The following IVL variants were observed in gnomAD, a reference collection of about 807,000 sequenced individuals.
The protein encoded by IVL is involucrin.
For missense variants in IVL, 722 were observed against 624.9 expected (o/e 1.16, Z -1.66); for synonymous variants, 257 against 271.0 (o/e 0.95, Z 0.51).
At position 152,910,734 on chromosome 1, in the gene IVL, C is replaced by T; in HGVS notation, c.937C>T (p.Leu313=). 6.4e-7 allele frequency: 1 copy of T among 1,550,618 alleles called. No homozygotes were observed. Among genetic ancestry groups the T allele is most frequent in the Non-Finnish European group, 8.7e-7 (1 of 1,146,670 alleles). The change falls in exon 2 of 2, where the codon CTG becomes TTG. Residue 313 remains leucine, a synonymous_variant. Transcript: ENST00000368764. ...GCTCCCAGAGCAGCAGATGGGGCAG[C>T]TGAAGCACCTGGAGCAGCAGGAGGG... is the stretch of plus-strand genomic sequence containing the variant. ...PELPEQQMGQ[L]KHLEQQEGQP... is the part of the protein sequence containing the mutation.
chr1:152,910,668 G>A lies in IVL; in HGVS notation c.871G>A (p.Gly291Arg), dbSNP rs1410895544. 6 of 1,549,114 alleles carry A rather than the reference G, an allele frequency of 3.9e-6. No individual in the cohort carries two copies. The African/African-American group carries it at 5.5e-5, about 14-fold the overall frequency. Reference protein sequence around the residue: ...GQLKYLEQQEGQLKHLDQQEK... With the variant: ...GQLKYLEQQERQLKHLDQQEK... ...GCTGAAGTACCTGGAACAGCAGGAG[G>A]GGCAGCTGAAGCACCTGGATCAGCA... The change falls in exon 2 of 2, where the codon GGG (glycine) becomes AGG (arginine). Residue 291 changes from glycine (G) to arginine (R), a missense_variant. Coordinates refer to ENST00000368764, the MANE Select transcript of IVL (RefSeq NM_005547.4).
At position 152,910,274 on chromosome 1, in the gene IVL, G is replaced by T. The variant is rs764131852; in HGVS notation, c.477G>T (p.Gln159His). Residue 159 changes from glutamine to histidine, a missense_variant, in exon 2 of 2, where the codon CAG (glutamine) becomes CAT (histidine). By Grantham distance (24) the Gln-to-His change is conservative. Transcript: ENST00000368764. ...KEQLLELPEQ[Q>H]EGHLKHLEQQ... Reference sequence around the variant, plus strand: ...AACTGTTGGAGCTCCCAGAGCAGCAGGAGGGGCACCTGAAGCACCTAGAGC... The same window carrying T: ...AACTGTTGGAGCTCCCAGAGCAGCATGAGGGGCACCTGAAGCACCTAGAGC... 6.2e-7 allele frequency: 1 copy of T among 1,613,450 alleles called. No individual in the cohort carries two copies. Among genetic ancestry groups the T allele is most frequent in the Non-Finnish European group, 8.5e-7 (1 of 1,179,714 alleles).
In IVL at chr1:152,910,688, T is replaced by G. The variant is rs866465775; in HGVS notation, c.891T>G (p.Asp297Glu). 1.2e-3 allele frequency: 1,594 copies of G among 1,313,554 alleles called. No individual in the cohort carries two copies. The African/African-American group carries it at 0.012, about 10-fold the overall frequency. The allele number at this position is 1,313,554 out of a possible 1,614,324, so 81.4% of individuals were successfully genotyped here. A position where few individuals can be genotyped will look rare whatever the true frequency, so the allele number is the denominator to read the frequency against. ...AGGAGGGGCAGCTGAAGCACCTGGA[T>G]CAGCAGGAGAAGCAGCCAGAGCTCC... ...EQQEGQLKHL[D>E]QQEKQPELPE... Residue 297 changes from aspartate (D) to glutamate (E), a missense_variant, in exon 2 of 2, where the codon GAT becomes GAG. By Grantham distance (45) the Asp-to-Glu change is conservative (BLOSUM62 2). Coordinates refer to ENST00000368764, the MANE Select transcript of IVL (RefSeq NM_005547.4).
Position 152,910,223 on chromosome 1 carries a change from T to A in IVL, c.426T>A (p.Asp142Glu), listed in dbSNP as rs866082126. The A allele has an allele frequency of 6.2e-7, 1 of 1,613,978 alleles. No homozygotes were observed. Among genetic ancestry groups the A allele is most frequent in the Middle Eastern group, 1.7e-4 (1 of 6,060 alleles). ...QQLDQELVKR[D>E]EQLGMKKEQL... ...TGGATCAAGAGCTAGTCAAGAGAGATGAGCAACTGGGAATGAAGAAAGAGC... is the reference window on the plus strand; with the variant it reads ...TGGATCAAGAGCTAGTCAAGAGAGAAGAGCAACTGGGAATGAAGAAAGAGC... Residue 142 changes from aspartate (D) to glutamate (E), a missense_variant, in exon 2 of 2, where the codon GAT (aspartate) becomes GAA (glutamate). By Grantham distance (45) the Asp-to-Glu change is conservative. Coordinates refer to ENST00000368764, the MANE Select transcript of IVL (RefSeq NM_005547.4).
At position 152,911,561 on chromosome 1, in the gene IVL, C is replaced by A; in HGVS notation, c.*6C>A. 3.1e-6 allele frequency: 5 copies of A among 1,603,500 alleles called. No individual in the cohort carries two copies. Among genetic ancestry groups the A allele is most frequent in the Non-Finnish European group, 4.3e-6 (5 of 1,174,956 alleles). On this transcript the variant is annotated 3_prime_UTR_variant, in exon 2 of 2. Coordinates refer to ENST00000368764, the MANE Select transcript of IVL (RefSeq NM_005547.4). ...GGCCACCCAAACATAAATAACCACC[C>A]GCAGTGTCCAGAGGCCCTCAGATCG...
Position 152,911,503 on chromosome 1 carries a change from T to C in IVL, c.1706T>C (p.Val569Ala), listed in dbSNP as rs1326595669. 1.9e-6 allele frequency: 3 copies of C among 1,613,818 alleles called. No individual in the cohort carries two copies. Among genetic ancestry groups the C allele is most frequent in the African/African-American group, 2.7e-5 (2 of 74,912 alleles). Reference protein sequence around the residue: ...LPTKGEVLLPVEHQQQKQEVQ... With the variant: ...LPTKGEVLLPAEHQQQKQEVQ... ...ACAAAGGGAGAAGTATTGCTTCCTGTAGAGCACCAGCAGCAGAAGCAGGAG... is the reference window on the plus strand; with the variant it reads ...ACAAAGGGAGAAGTATTGCTTCCTGCAGAGCACCAGCAGCAGAAGCAGGAG... Residue 569 changes from valine (V) to alanine (A), a missense_variant, in exon 2 of 2, where the codon GTA becomes GCA. Physicochemically the swap from Val to Ala is moderately conservative, Grantham distance 64. Coordinates refer to ENST00000368764, the MANE Select transcript of IVL (RefSeq NM_005547.4).
rs1649952869 is a variant in IVL, at chr1:152,910,792, A to G, written c.995A>G (p.Gln332Arg). 6.4e-7 allele frequency: 1 copy of G among 1,550,524 alleles called. No individual in the cohort carries two copies. The highest frequency in any genetic ancestry group is 1.4e-5 in the African/African-American group (1 of 72,730). ...QPKHLEQQEG[Q>R]LEQLEEQEGQ... ...AAGCATCTGGAGCAGCAGGAGGGGC[A>G]ACTGGAGCAGCTGGAGGAGCAGGAG... Residue 332 changes from glutamine to arginine, a missense_variant, in exon 2 of 2, where the codon CAA becomes CGA. Transcript: ENST00000368764.
rs759113007 is a variant in IVL, at chr1:152,910,323, C to G, written c.526C>G (p.Pro176Ala). ...GCAGCAGGAGGGACAGCTGAAGCAC[C>G]CGGAGCAGCAGGAGGGGCAGCTGGA... ...LEQQEGQLKHPEQQEGQLELP... is the reference protein window; with the variant it reads ...LEQQEGQLKHAEQQEGQLELP... The change falls in exon 2 of 2, where the codon CCG (proline) becomes GCG (alanine). Residue 176 changes from proline to alanine, a missense_variant. By Grantham distance (27) the Pro-to-Ala change is conservative (BLOSUM62 -1). Coordinates refer to ENST00000368764, the MANE Select transcript of IVL (RefSeq NM_005547.4). The G allele has an allele frequency of 1.2e-5, 19 of 1,581,402 alleles. 2 individuals carry two copies. The South Asian group carries it at 1.9e-4, about 16-fold the overall frequency.
rs41272534 is a variant in IVL at position 152,911,750 on chromosome 1, A to G, written c.*195A>G. On this transcript the variant is annotated 3_prime_UTR_variant, in exon 2 of 2. Coordinates refer to ENST00000368764, the MANE Select transcript of IVL (RefSeq NM_005547.4). ...TCCAGTGCCAACCCCAATGACCCCA[A>G]TCCCAACCTCAGGTGAGCAGAGCCT... 8,875 of 604,768 alleles carry G rather than the reference A, an allele frequency of 0.015. 102 individuals are homozygous for G. Among genetic ancestry groups the G allele is most frequent in the Middle Eastern group, 0.028 (62 of 2,226 alleles). The allele number at this position is 604,768 out of a possible 1,614,324, so 37.5% of individuals were successfully genotyped here. A position where few individuals can be genotyped will look rare whatever the true frequency, so the allele number is the denominator to read the frequency against.
chr1:152,909,862 C>T lies in IVL; in HGVS notation c.65C>T (p.Thr22Ile), dbSNP rs766749517. The change falls in exon 2 of 2, where the codon ACT becomes ATT. Residue 22 changes from threonine (T) to isoleucine (I), a missense_variant. By Grantham distance (89) the Thr-to-Ile change is moderately conservative. Transcript: ENST00000368764. ...GCCCTCAGTCAGGAGCTCCTCAAGA[C>T]TGTTCCTCCTCCAGTCAATACCCAT... ...SPALSQELLK[T>I]VPPPVNTHQE... The T allele has an allele frequency of 6.2e-7, 1 of 1,614,210 alleles. No homozygotes were observed. Among genetic ancestry groups the T allele is most frequent in the Admixed American group, 1.7e-5 (1 of 60,030 alleles).
Position 152,911,680 on chromosome 1 carries a change from A to G in IVL, c.*125A>G, listed in dbSNP as rs1340938521. Reference sequence around the variant, plus strand: ...TGTGAACTTGACTCTGTCCCTCTACATGTCTCTTTAATGGGGTGAGGGTGG... The same window carrying G: ...TGTGAACTTGACTCTGTCCCTCTACGTGTCTCTTTAATGGGGTGAGGGTGG... On this transcript the variant is annotated 3_prime_UTR_variant, in exon 2 of 2. Transcript: ENST00000368764. 4 of 927,430 alleles carry G rather than the reference A, an allele frequency of 4.3e-6. No individual in the cohort carries two copies. Among genetic ancestry groups the G allele is most frequent in the South Asian group, 3.3e-5 (2 of 60,492 alleles). 57.5% of individuals were successfully genotyped at this position (927,430 alleles called of 1,614,324 possible). A position where few individuals can be genotyped will look rare whatever the true frequency, so the allele number is the denominator to read the frequency against.
chr1:152,910,332 C>G lies in IVL; in HGVS notation c.535C>G (p.Gln179Glu), dbSNP rs7520592. Reference protein sequence around the residue: ...QEGQLKHPEQQEGQLELPEQQ... With the variant: ...QEGQLKHPEQEEGQLELPEQQ... ...GGGACAGCTGAAGCACCCGGAGCAGCAGGAGGGGCAGCTGGAGCTCCCAGA... is the reference window on the plus strand; with the variant it reads ...GGGACAGCTGAAGCACCCGGAGCAGGAGGAGGGGCAGCTGGAGCTCCCAGA... The change falls in exon 2 of 2, where the codon CAG becomes GAG. Residue 179 changes from glutamine (Q) to glutamate (E), a missense_variant. Gln to Glu is a conservative substitution (Grantham distance 29). Coordinates refer to ENST00000368764, the MANE Select transcript of IVL (RefSeq NM_005547.4). 3,952 of 1,565,782 alleles carry G rather than the reference C, an allele frequency of 2.5e-3. 89 individuals are homozygous for G. The African/African-American group carries it at 0.052, about 21-fold the overall frequency.
Position 152,911,489 on chromosome 1 carries a change from A to C in IVL, c.1692A>C (p.Glu564Asp). 2 of 1,614,140 alleles carry C rather than the reference A, an allele frequency of 1.2e-6. No individual in the cohort carries two copies. The highest frequency in any genetic ancestry group is 1.7e-6 in the Non-Finnish European group (2 of 1,179,992). Reference sequence around the variant, plus strand: ...AACCAGCCCTGCCCACAAAGGGAGAAGTATTGCTTCCTGTAGAGCACCAGC... The same window carrying C: ...AACCAGCCCTGCCCACAAAGGGAGACGTATTGCTTCCTGTAGAGCACCAGC... ...DIQPALPTKG[E>D]VLLPVEHQQQ... The change falls in exon 2 of 2, where the codon GAA becomes GAC. Residue 564 changes from glutamate to aspartate, a missense_variant. By Grantham distance (45) the Glu-to-Asp change is conservative. Transcript: ENST00000368764.
chr1:152,911,166 G>T lies in IVL; in HGVS notation c.1369G>T (p.Val457Leu). 1 of 1,558,694 alleles carries T rather than the reference G, an allele frequency of 6.4e-7. No individual in the cohort carries two copies. The highest frequency in any genetic ancestry group is 8.7e-7 in the Non-Finnish European group (1 of 1,151,324). ...GCAGTTGGAGGTCCCAGAGCAGCAG[G>T]TGGGGCAGCCAAAGAACCTGGAGCA... is the stretch of plus-strand genomic sequence containing the variant. ...QGQLEVPEQQVGQPKNLEQEE... is the reference protein window; with the variant it reads ...QGQLEVPEQQLGQPKNLEQEE... Residue 457 changes from valine to leucine, a missense_variant, in exon 2 of 2, where the codon GTG (valine) becomes TTG (leucine). Transcript: ENST00000368764.
rs1649890715 is a variant in IVL at position 152,909,934 on chromosome 1, A to G, written c.137A>G (p.Lys46Arg). 2 of 1,614,212 alleles carry G rather than the reference A, an allele frequency of 1.2e-6. No homozygotes were observed. Among genetic ancestry groups the G allele is most frequent in the East Asian group, 2.2e-5 (1 of 44,878 alleles). Residue 46 changes from lysine to arginine, a missense_variant, in exon 2 of 2, where the codon AAG becomes AGG. Coordinates refer to ENST00000368764, the MANE Select transcript of IVL (RefSeq NM_005547.4). Reference sequence around the variant, plus strand: ...ACTCCACTGCCTCCCCCATGCCAGAAGGTGCCTGTCGAGCTCCCAGTGGAG... The same window carrying G: ...ACTCCACTGCCTCCCCCATGCCAGAGGGTGCCTGTCGAGCTCCCAGTGGAG... ...QPTPLPPPCQ[K>R]VPVELPVEVP...
Position 152,911,495 on chromosome 1 carries a change from G to T in IVL, c.1698G>T (p.Leu566Phe). ...CCCTGCCCACAAAGGGAGAAGTATT[G>T]CTTCCTGTAGAGCACCAGCAGCAGA... Reference protein sequence around the residue: ...QPALPTKGEVLLPVEHQQQKQ... With the variant: ...QPALPTKGEVFLPVEHQQQKQ... Residue 566 changes from leucine to phenylalanine, a missense_variant, in exon 2 of 2, where the codon TTG becomes TTT. By Grantham distance (22) the Leu-to-Phe change is conservative. Transcript: ENST00000368764. The T allele has an allele frequency of 3.7e-6, 6 of 1,614,080 alleles. No homozygotes were observed. Among genetic ancestry groups the T allele is most frequent in the Non-Finnish European group, 4.2e-6 (5 of 1,179,970 alleles).
In IVL at chr1:152,911,142, C is replaced by T. The variant is rs867997509; in HGVS notation, c.1345C>T (p.Gln449Ter). ...QLKHLEQQQG[Q>*]LEVPEQQVGQ... ...GAAGCATCTGGAGCAGCAGCAGGGGCAGTTGGAGGTCCCAGAGCAGCAGGT... is the reference window on the plus strand; with the variant it reads ...GAAGCATCTGGAGCAGCAGCAGGGGTAGTTGGAGGTCCCAGAGCAGCAGGT... Residue 449 changes from glutamine to a stop codon, truncating the protein, a stop_gained, in exon 2 of 2, where the codon CAG (glutamine) becomes TAG (stop). Coordinates refer to ENST00000368764, the MANE Select transcript of IVL (RefSeq NM_005547.4). LOFTEE classifies it low-confidence loss of function (END_TRUNC). 3.2e-6 allele frequency: 5 copies of T among 1,558,202 alleles called. No homozygotes were observed. Among genetic ancestry groups the T allele is most frequent in the Non-Finnish European group, 4.3e-6 (5 of 1,150,678 alleles).
At chr1:152,909,429 C>T (rs1649871846) in intron 1 of IVL, among the ~76,000 whole-genome samples, 1 of 152,164 alleles carries the variant, frequency 6.6e-6, no homozygotes, top group African/African-American at 2.4e-5. Flanking sequence ...TCCCAGAACG[C>T]ATCTCTGCTC....
In IVL at chr1:152,910,011, G is replaced by A. The variant is rs760921126; in HGVS notation, c.214G>A (p.Glu72Lys). The change falls in exon 2 of 2, where the codon GAG (glutamate) becomes AAG (lysine). Residue 72 changes from glutamate to lysine, a missense_variant. By Grantham distance (56) the Glu-to-Lys change is moderately conservative. Transcript: ENST00000368764. ...KHMTAVKGLP[E>K]QECEQQQKEP... ...CATGACTGCTGTAAAGGGACTGCCT[G>A]AGCAAGAATGTGAGCAACAGCAGAA... The A allele has an allele frequency of 1.2e-6, 2 of 1,614,060 alleles. No homozygotes were observed. The highest frequency in any genetic ancestry group is 3.3e-5 in the Admixed American group (2 of 60,010).
Sources: gnomAD v4.1 joint callset for allele counts (sites outside exome capture counted in the v4.1 genomes callset) on GRCh38, gnomAD v4.1.1 for gene constraint, MANE v1.5 for transcripts, NCBI Gene and HGNC (gene_info 2026-07-23, HGNC 2026-07-21) for gene names.